PRIM1: variants seen among roughly 807,000 people sequenced by gnomAD.
The protein encoded by PRIM1 is DNA primase small subunit.
A neutral mutation model predicts 60.2 loss-of-function variants in PRIM1; 38 were observed. The ratio of observed to expected loss-of-function variants is 0.63; its 90% CI spans 0.49 to 0.83. The LOEUF is 0.83. Among genes scored for constraint, PRIM1 ranks in the 40% least tolerant of loss-of-function variants. The pLI, the probability that PRIM1 is intolerant of heterozygous loss-of-function variation, is 0.00. For synonymous variants in PRIM1, 158 were observed against 160.2 expected (o/e 0.99, Z 0.10); for missense variants, 388 against 506.2 (o/e 0.77, Z 2.24).
intron 10 of PRIM1, among the ~76,000 whole-genome samples, chr12:56,738,840 G>T (rs1284694851): frequency 6.6e-6 from 1 of 152,154 alleles, no homozygotes; most frequent in African/African-American, 2.4e-5. Flanking sequence ...ATGAGCCACC[G>T]CGCCTCACCA....
chr12:56,737,510 C>T (rs995686081), intron 11 of PRIM1, among the ~76,000 whole-genome samples: 3 of 151,604 alleles, frequency 2.0e-5, no homozygotes, highest in South Asian at 2.1e-4. Context: ...CCACCACAGC[C>T]GGCTAATTCT....
chr12:56,731,901 C>T (rs1953787754), intron 12 of PRIM1, among the ~76,000 whole-genome samples, 167 bp from the exon 13 acceptor site: 1 of 152,214 alleles, frequency 6.6e-6, no homozygotes, highest in Non-Finnish European at 1.5e-5. Context: ...TAGTATGGAA[C>T]AGTGAGGATA....
intron 4 of PRIM1, 116 bp downstream of exon 4, chr12:56,746,665 C>T: frequency 1.2e-6 from 1 of 842,650 alleles, no homozygotes. Context: ...CACACACACA[C>T]ACACACACAC....
intron 6 of PRIM1, 51 bp from the exon 7 acceptor site, chr12:56,743,147 T>C (rs1401043843): frequency 1.4e-6 from 2 of 1,448,428 alleles, no homozygotes; most frequent in South Asian, 1.4e-5. Flanking sequence ...GTAACACATA[T>C]GCCACATAGG....
intron 9 of PRIM1, 35 bp downstream of exon 9, chr12:56,741,400 T>G: frequency 1.3e-6 from 2 of 1,587,242 alleles, no homozygotes; most frequent in Non-Finnish European, 8.6e-7. Flanking sequence ...CAACTCATTT[T>G]TCTTTTAGTT....
At chr12:56,737,108 G>T (rs766935230) in intron 11 of PRIM1, among the ~76,000 whole-genome samples, 3 of 151,880 alleles carry the variant, frequency 2.0e-5, no homozygotes, top group Non-Finnish European at 2.9e-5. Flanking sequence ...CCTTATGTTA[G>T]ATCAGCAGAA....
At chr12:56,748,590 G>A (rs556174547) in intron 2 of PRIM1, among the ~76,000 whole-genome samples, 28 of 149,754 alleles carry the variant, frequency 1.9e-4, no homozygotes, top group African/African-American at 4.9e-4. Flanking sequence ...TCATGCCACT[G>A]CACTCCAGCC....
chr12:56,731,927 G>A (rs902712786), intron 12 of PRIM1, among the ~76,000 whole-genome samples, 193 bp from the exon 13 acceptor site: 2 of 152,116 alleles, frequency 1.3e-5, no homozygotes, highest in Admixed American at 6.6e-5. Flanking sequence ...GACTTAATAC[G>A]GCCAGTTGCA....
intron 2 of PRIM1, among the ~76,000 whole-genome samples, 197 bp downstream of exon 2, chr12:56,750,840 CA>C (rs1008638307): frequency 1.3e-5 from 2 of 151,972 alleles, no homozygotes; most frequent in Non-Finnish European, 2.9e-5. Flanking sequence ...AAAATGCAAC[CA>C]ATTCACTCCC....
Position 56,745,953 on chromosome 12 carries a change from A to T in PRIM1, c.579+92T>A. On this transcript the variant is annotated intron_variant, in intron 5 of 12. Transcript: ENST00000338193. ...GAGTCCATCTCAAAAAAAAAAAAAA[A>T]AGATAGTTTCATTTTCTTTGACAGT... 3.0e-6 allele frequency: 4 copies of T among 1,327,704 alleles called. No individual in the cohort carries two copies. The African/African-American group carries it at 5.9e-5, about 20-fold the overall frequency. 82.2% of individuals were successfully genotyped at this position (1,327,704 alleles called of 1,614,324 possible). A position where few individuals can be genotyped will look rare whatever the true frequency, so the allele number is the denominator to read the frequency against.
At position 56,741,452 on chromosome 12, in the gene PRIM1, C is replaced by T; in HGVS notation, c.965G>A (p.Ser322Asn). The change falls in exon 9 of 13, where the codon AGT (serine) becomes AAT (asparagine). Residue 322 changes from serine (S) to asparagine (N), a missense_variant. Ser to Asn is a conservative substitution (Grantham distance 46). Transcript: ENST00000338193. ...TGTAGTACCTGTTTTAGGATGAACA[C>T]TAAAAGGGCTCTTCAGTAGATGATT... ...GINHLLKSPF[S>N]VHPKTGRISV... The T allele has an allele frequency of 1.2e-6, 2 of 1,612,970 alleles. No homozygotes were observed. Among genetic ancestry groups the T allele is most frequent in the Non-Finnish European group, 1.7e-6 (2 of 1,179,666 alleles).
chr12:56,750,909 CA>C, intron 2 of PRIM1, 128 bp downstream of exon 2: 1 of 565,876 alleles, frequency 1.8e-6, no homozygotes, highest in Non-Finnish European at 2.7e-6. Context: ...AATCACTTGC[CA>C]AACAATTAAA....
At chr12:56,734,400 A>T (rs1953807939) in intron 11 of PRIM1, among the ~76,000 whole-genome samples, 155 bp from the exon 12 acceptor site, 4 of 152,162 alleles carry the variant, frequency 2.6e-5, no homozygotes, top group African/African-American at 9.7e-5. Context: ...TCACATTAAA[A>T]AAGGTGAAAT....
intron 5 of PRIM1, among the ~76,000 whole-genome samples, chr12:56,744,353 C>A (rs1953892377): frequency 6.6e-6 from 1 of 151,930 alleles, no homozygotes. Context: ...ATTAGCTGGG[C>A]ATGGTGGCGC....
intron 5 of PRIM1, among the ~76,000 whole-genome samples, chr12:56,744,586 A>C (rs1953894018): frequency 6.6e-6 from 1 of 151,954 alleles, no homozygotes; most frequent in Non-Finnish European, 1.5e-5. Flanking sequence ...TAGCTACATC[A>C]GTACCTATCA....
chr12:56,750,119 G>A (rs1012575393), intron 2 of PRIM1, among the ~76,000 whole-genome samples: 3 of 152,196 alleles, frequency 2.0e-5, no homozygotes, highest in African/African-American at 4.8e-5. Flanking sequence ...GAATGAATGA[G>A]GGGGAGAGAA....
chr12:56,737,664 G>C (rs1443099287), intron 11 of PRIM1, among the ~76,000 whole-genome samples: 20 of 151,284 alleles, frequency 1.3e-4, no homozygotes, highest in Admixed American at 1.3e-3. Flanking sequence ...TATCTCTTAG[G>C]TGTTAGATTT....
At chr12:56,731,879 C>T (rs1953787590) in intron 12 of PRIM1, 145 bp from the exon 13 acceptor site, 1 of 669,872 alleles carries the variant, frequency 1.5e-6, no homozygotes, top group Non-Finnish European at 2.4e-6. Flanking sequence ...AAGTCCACAT[C>T]ATAGGCTGAG....
chr12:56,748,783 C>T (rs1246294028), intron 2 of PRIM1, among the ~76,000 whole-genome samples: 1 of 152,106 alleles, frequency 6.6e-6, no homozygotes, highest in East Asian at 1.9e-4. Flanking sequence ...TGGCAAAACC[C>T]CGTCTCTACT....
Sources: allele counts gnomAD v4.1 joint callset (sites outside exome capture counted in the v4.1 genomes callset), GRCh38; gene constraint gnomAD v4.1.1; transcripts MANE v1.5; gene names NCBI Gene and HGNC (gene_info 2026-07-23, HGNC 2026-07-21).